The following PHAF1 variants were observed in gnomAD, a reference collection of about 807,000 sequenced individuals.
PHAF1 encodes the protein phagophore assembly factor 1, also known as phagosome assembly factor 1.
PHAF1 carries 23 observed loss-of-function variants against 63.1 expected under a neutral mutation model. The observed-to-expected ratio is 0.36, with a 90% confidence interval of 0.26 to 0.52. The LOEUF (loss-of-function observed/expected upper bound fraction) is 0.52, where lower values mean the gene tolerates loss of function less well. Ranked by LOEUF, PHAF1 falls within the 20% of genes least tolerant of loss-of-function variation. The pLI, the probability that PHAF1 is intolerant of heterozygous loss-of-function variation, is 0.93. For missense variants in PHAF1, 427 were observed against 517.2 expected, an observed-to-expected ratio of 0.83 and a Z score of 1.69; for synonymous variants, 167 against 185.0, an observed-to-expected ratio of 0.90 and a Z score of 0.79.
intron 1 of PHAF1, among the ~76,000 whole-genome samples, chr16:67,111,716 G>T (rs1348681604): frequency 6.6e-6 from 1 of 152,188 alleles, no homozygotes; most frequent in Admixed American, 6.5e-5. Context: ...TGCCTCCCGG[G>T]TTCAAGCAAT....
rs773316682 is a variant in PHAF1, at chr16:67,144,823, C to T, written c.963-11C>T. 1.2e-5 allele frequency: 20 copies of T among 1,613,908 alleles called. No homozygotes were observed. In the Admixed American group the frequency reaches 3.0e-4, roughly 24 times the overall value. The stretch of plus-strand genomic sequence containing the variant: ...GGAGGCCCAGCCTTTACCCATTTGC[C>T]TTCTCTCTAGTTATCATCGCTGTGA... On this transcript the variant is annotated splice_polypyrimidine_tract_variant and intron_variant, in intron 11 of 15. Coordinates refer to ENST00000219139, the MANE Select transcript of PHAF1 (RefSeq NM_025187.5).
At chr16:67,146,711 C>T (rs1043680565) in intron 15 of PHAF1, among the ~76,000 whole-genome samples, 1 of 152,178 alleles carries the variant, frequency 6.6e-6, no homozygotes, top group Non-Finnish European at 1.5e-5. Context: ...TGAACAAATG[C>T]ATTGTAGGGG....
intron 1 of PHAF1, among the ~76,000 whole-genome samples, chr16:67,118,672 G>T (rs957379740): frequency 1.3e-5 from 2 of 148,756 alleles, no homozygotes; most frequent in African/African-American, 4.9e-5. Context: ...AAAATAAAAA[G>T]AACTAGATAT....
chr16:67,129,886 C>T (rs1353461183), intron 3 of PHAF1, among the ~76,000 whole-genome samples: 1 of 152,164 alleles, frequency 6.6e-6, no homozygotes, highest in African/African-American at 2.4e-5. Context: ...CACAAAGGTC[C>T]TGAGGCTTTC....
chr16:67,113,486 G>C (rs1193891785), intron 1 of PHAF1, among the ~76,000 whole-genome samples: 4 of 134,578 alleles, frequency 3.0e-5, no homozygotes. Context: ...GTCTCACTCT[G>C]TTGCCCAGGC....
intron 3 of PHAF1, among the ~76,000 whole-genome samples, chr16:67,127,532 C>T (rs1281045330): frequency 6.6e-6 from 1 of 152,196 alleles, no homozygotes; most frequent in South Asian, 2.1e-4. Flanking sequence ...TGCAGTGGCT[C>T]ACGCCTGTAA....
At chr16:67,127,696 T>C (rs1392624719) in intron 3 of PHAF1, among the ~76,000 whole-genome samples, 2 of 151,878 alleles carry the variant, frequency 1.3e-5, no homozygotes, top group African/African-American at 4.8e-5. Flanking sequence ...CTTGGGAGGC[T>C]GAGGCAGGAG....
intron 10 of PHAF1, among the ~76,000 whole-genome samples, chr16:67,141,555 G>A (rs1441833172): frequency 6.6e-6 from 1 of 152,216 alleles, no homozygotes; most frequent in Non-Finnish European, 1.5e-5. Context: ...TCCCATGCCT[G>A]CCAAGGGCAA....
chr16:67,125,896 C>T, intron 2 of PHAF1, 63 bp from the exon 3 acceptor site: 2 of 1,177,072 alleles, frequency 1.7e-6, no homozygotes, highest in Non-Finnish European at 2.5e-6. Flanking sequence ...TATTGTAAGG[C>T]TTTCAGTAGG....
intron 2 of PHAF1, among the ~76,000 whole-genome samples, chr16:67,121,653 T>C (rs1388344509): frequency 6.7e-6 from 1 of 150,012 alleles, no homozygotes; most frequent in Non-Finnish European, 1.5e-5. Context: ...CAATCTCGGC[T>C]CACCTCAACC....
chr16:67,145,692 G>A (rs894105543), intron 14 of PHAF1, 64 bp downstream of exon 14: 15 of 1,534,202 alleles, frequency 9.8e-6, no homozygotes, highest in East Asian at 2.3e-5. Context: ...AAAGCCCAGG[G>A]AAGCCTGGCA....
At chr16:67,112,864 ATTTAAC>A (rs1962574240) in intron 1 of PHAF1, among the ~76,000 whole-genome samples, 1 of 152,152 alleles carries the variant, frequency 6.6e-6, no homozygotes, top group African/African-American at 2.4e-5. Flanking sequence ...GATGGTGTTA[ATTTAAC>A]TTTATCAGAC....
Position 67,139,964 on chromosome 16 carries a change from C to G in PHAF1, c.662-20C>G. ...GGTCCTAACCATAACCTGACAACCT[C>G]TCTGTCTTGTTTTTTGCAGGTTGTG... On this transcript the variant is annotated intron_variant, in intron 8 of 15. Coordinates refer to ENST00000219139, the MANE Select transcript of PHAF1 (RefSeq NM_025187.5). The G allele has an allele frequency of 3.1e-6, 5 of 1,613,994 alleles. No individual in the cohort carries two copies. The highest frequency in any genetic ancestry group is 4.2e-6 in the Non-Finnish European group (5 of 1,179,950).
intron 6 of PHAF1, 142 bp downstream of exon 6, chr16:67,133,053 A>G: frequency 2.8e-6 from 2 of 708,778 alleles, no homozygotes; most frequent in Admixed American, 2.4e-5. Context: ...TCTACAGGGT[A>G]AAGTGGTAGA....
intron 1 of PHAF1, among the ~76,000 whole-genome samples, chr16:67,115,717 T>C (rs926517265): frequency 1.3e-5 from 2 of 152,234 alleles, no homozygotes; most frequent in Admixed American, 1.3e-4. Context: ...TTCGTAGCCC[T>C]CCTTTACCAG....
intron 2 of PHAF1, among the ~76,000 whole-genome samples, chr16:67,123,933 A>T (rs1407404492): frequency 6.6e-6 from 1 of 152,204 alleles, no homozygotes; most frequent in Non-Finnish European, 1.5e-5. Flanking sequence ...GATTTTACTG[A>T]ACTGCTTCAT....
At chr16:67,128,879 A>G (rs139094477) in intron 3 of PHAF1, among the ~76,000 whole-genome samples, 101 of 152,288 alleles carry the variant, frequency 6.6e-4, no homozygotes, top group African/African-American at 2.3e-3. Flanking sequence ...CGAAGCACCT[A>G]TATGTGTTGG....
At chr16:67,117,599 A>C (rs895810536) in intron 1 of PHAF1, among the ~76,000 whole-genome samples, 6 of 150,540 alleles carry the variant, frequency 4.0e-5, no homozygotes, top group Non-Finnish European at 8.9e-5. Context: ...ACATGGTGAA[A>C]CCCTGTCTCT....
intron 8 of PHAF1, among the ~76,000 whole-genome samples, chr16:67,137,154 CAAAA>C (rs1169960632): frequency 9.3e-6 from 1 of 107,218 alleles, no homozygotes; most frequent in Non-Finnish European, 2.0e-5. Context: ...GACTCCTTCT[CAAAA>C]AAAAAAAAAA....
Sources: allele counts gnomAD v4.1 joint callset (sites outside exome capture counted in the v4.1 genomes callset), GRCh38; gene constraint gnomAD v4.1.1; transcripts MANE v1.5; gene names NCBI Gene and HGNC (gene_info 2026-07-23, HGNC 2026-07-21).